The following GRID2 variants were observed in gnomAD, a reference collection of about 807,000 sequenced individuals.
GRID2 encodes glutamate receptor ionotropic, delta-2.
In GRID2, 33 loss-of-function variants were observed where a neutral mutation model predicts 114.8. The observed-to-expected ratio is 0.29, with a 90% CI of 0.22 to 0.38. The LOEUF (loss-of-function observed/expected upper bound fraction) is 0.38. Among genes scored for constraint, GRID2 ranks in the 10% least tolerant of loss-of-function variants. GRID2 has a pLI of 1.00. For missense variants in GRID2, 1,184 were observed against 1,257.7 expected (o/e 0.94, Z 0.89); for synonymous variants, 505 against 449.9 (o/e 1.12, Z -1.55).
chr4:93,400,299 C>T (rs1308267067), intron 9 of GRID2, among the ~76,000 whole-genome samples: 1 of 152,066 alleles, frequency 6.6e-6, no homozygotes, highest in Non-Finnish European at 1.5e-5. Context: ...ACCAAAGCCA[C>T]AGAAATATGT....
chr4:92,337,214 A>G (rs1198680663), intron 1 of GRID2, among the ~76,000 whole-genome samples: 2 of 152,024 alleles, frequency 1.3e-5, no homozygotes, highest in Non-Finnish European at 2.9e-5. Flanking sequence ...TTCTAAAATA[A>G]TGTTTTTAAT....
intron 1 of GRID2, among the ~76,000 whole-genome samples, chr4:92,428,825 T>C (rs1422845914): frequency 6.6e-6 from 1 of 152,186 alleles, no homozygotes; most frequent in African/African-American, 2.4e-5. Context: ...TGTACATTTT[T>C]TTGAAAACAT....
intron 1 of GRID2, among the ~76,000 whole-genome samples, chr4:92,572,314 C>G (rs534775380): frequency 6.6e-6 from 1 of 151,958 alleles, no homozygotes; most frequent in Admixed American, 6.6e-5. Context: ...ACACATACAC[C>G]CTCCCAAGAC....
chr4:92,784,953 C>T (rs1321866772), intron 2 of GRID2, among the ~76,000 whole-genome samples: 1 of 151,702 alleles, frequency 6.6e-6, no homozygotes, highest in Non-Finnish European at 1.5e-5. Flanking sequence ...GTATTAAGTA[C>T]TGCAGTAGCA....
intron 13 of GRID2, among the ~76,000 whole-genome samples, chr4:93,585,527 A>C (rs1737447953): frequency 1.3e-5 from 2 of 151,966 alleles, no homozygotes. Context: ...CATGGTCTCA[A>C]CCCTTCTTAA....
chr4:93,571,665 T>A (rs62320408), intron 13 of GRID2, among the ~76,000 whole-genome samples: 29,781 of 151,958 alleles, frequency 0.2, 3,390 homozygotes, highest in Non-Finnish European at 0.26. Context: ...ATCATAAACC[T>A]ATTAGGGAAG....
rs1553916864 is a variant in GRID2 at position 92,688,037 on chromosome 4, C to CCTTTTTTTTTTTTTTTTTTT, written c.244+97751_244+97752insCTTTTTTTTTTTTTTTTTTT. Among the ~76,000 whole-genome samples the CCTTTTTTTTTTTTTTTTTTT allele has an allele frequency of 7.7e-3, 342 of 44,660 alleles. 42 individuals carry two copies. Among genetic ancestry groups the CCTTTTTTTTTTTTTTTTTTT allele is most frequent in the South Asian group, 0.017 (22 of 1,266 alleles). 29.3% of individuals were successfully genotyped at this position (44,660 alleles called of 152,430 possible). On this transcript the variant is annotated intron_variant, in intron 2 of 15. Transcript: ENST00000282020. Reference sequence around the variant, plus strand: ...GCCACATTGGTTGACCCTTCTTCTTCTTTTTTTTTTTTTTTTTTTTTTTTT... The same window carrying CCTTTTTTTTTTTTTTTTTTT: ...GCCACATTGGTTGACCCTTCTTCTTCCTTTTTTTTTTTTTTTTTTTTTTTTTTTTTTTTTTTTTTTTTTTT...
chr4:93,036,801 G>T (rs1464744160), intron 2 of GRID2, among the ~76,000 whole-genome samples: 1 of 152,080 alleles, frequency 6.6e-6, no homozygotes, highest in Non-Finnish European at 1.5e-5. Context: ...TTTTAACATA[G>T]TATGGCCATA....
At chr4:93,680,615 T>G (rs1262405686) in intron 14 of GRID2, among the ~76,000 whole-genome samples, 3 of 151,918 alleles carry the variant, frequency 2.0e-5, no homozygotes, top group South Asian at 2.1e-4. Flanking sequence ...GATGCAAGAC[T>G]GGTTCAATAT....
intron 8 of GRID2, among the ~76,000 whole-genome samples, chr4:93,339,519 G>A (rs553475378): frequency 6.6e-6 from 1 of 152,124 alleles, no homozygotes; most frequent in Non-Finnish European, 1.5e-5. Context: ...AGGTTTCAGA[G>A]GGAATATGGC....
chr4:92,875,871 A>G (rs763744215), intron 2 of GRID2, among the ~76,000 whole-genome samples: 2 of 152,202 alleles, frequency 1.3e-5, no homozygotes, highest in Non-Finnish European at 2.9e-5. Context: ...AAGACTTACA[A>G]CATGTGTAAG....
chr4:93,138,939 T>C (rs1281267176), intron 4 of GRID2, among the ~76,000 whole-genome samples: 1 of 152,202 alleles, frequency 6.6e-6, no homozygotes, highest in African/African-American at 2.4e-5. Flanking sequence ...GGCATACAAG[T>C]CCTTTCTACT....
intron 8 of GRID2, 100 bp from the exon 9 acceptor site, chr4:93,395,507 T>C: frequency 4.9e-6 from 3 of 607,200 alleles, no homozygotes; most frequent in Middle Eastern, 5.4e-4. Flanking sequence ...TCCATACCAA[T>C]TATTCTAAGA....
At chr4:92,654,408 A>T (rs1171182152) in intron 2 of GRID2, among the ~76,000 whole-genome samples, 1 of 152,050 alleles carries the variant, frequency 6.6e-6, no homozygotes, top group Admixed American at 6.6e-5. Context: ...TTTCAAGGAG[A>T]TACAAAGATT....
chr4:93,761,920 T>G (rs183889778), intron 14 of GRID2, among the ~76,000 whole-genome samples: 5 of 152,340 alleles, frequency 3.3e-5, no homozygotes, highest in African/African-American at 1.2e-4. Flanking sequence ...ATGCAAATTG[T>G]AATATTAGAT....
chr4:92,713,490 T>TAC (rs1735372164), intron 2 of GRID2, among the ~76,000 whole-genome samples: 1 of 121,966 alleles, frequency 8.2e-6, no homozygotes, highest in African/African-American at 3.2e-5. Context: ...TATATATATA[T>TAC]ATATATATAT....
intron 14 of GRID2, among the ~76,000 whole-genome samples, chr4:93,632,476 C>G (rs1260834380): frequency 6.6e-6 from 1 of 152,262 alleles, no homozygotes; most frequent in East Asian, 1.9e-4. Flanking sequence ...AATAGGGAAT[C>G]CTTTCCCCAT....
chr4:92,943,042 T>C (rs1034701720), intron 2 of GRID2, among the ~76,000 whole-genome samples: 1 of 152,182 alleles, frequency 6.6e-6, no homozygotes, highest in African/African-American at 2.4e-5. Context: ...CTGACAATTA[T>C]GTGTCTTGGA....
intron 11 of GRID2, among the ~76,000 whole-genome samples, chr4:93,474,809 A>G (rs933501853): frequency 4.6e-5 from 7 of 152,220 alleles, no homozygotes; most frequent in South Asian, 2.1e-4. Context: ...AGGAAGCCCA[A>G]TATTGCTTTT....
Sources: gnomAD v4.1 joint callset for allele counts (sites outside exome capture counted in the v4.1 genomes callset) on GRCh38, gnomAD v4.1.1 for gene constraint, MANE v1.5 for transcripts, NCBI Gene and HGNC (gene_info 2026-07-23, HGNC 2026-07-21) for gene names.